GSTA1: variants seen among roughly 807,000 people sequenced by gnomAD.
The protein encoded by GSTA1 is glutathione S-transferase A1.
GSTA1 carries 23 observed loss-of-function variants against 21.5 expected under a neutral mutation model. The ratio of observed to expected loss-of-function variants is 1.07; its 90% confidence interval spans 0.77 to 1.52. The LOEUF is 1.52. GSTA1 is among the 40% of genes most tolerant of loss of function. The pLI is 0.00. For synonymous variants in GSTA1, 125 were observed against 90.0 expected, an observed-to-expected ratio of 1.39 and a Z score of -2.20; for missense variants, 301 against 264.2, an observed-to-expected ratio of 1.14 and a Z score of -0.96.
In GSTA1 at chr6:52,794,145, AGCGATTT is replaced by A; in HGVS notation, c.387_393del (p.Lys129AsnfsTer10). 1 of 1,614,028 alleles carries A rather than the reference AGCGATTT, an allele frequency of 6.2e-7. No individual in the cohort carries two copies. The highest frequency in any genetic ancestry group is 8.5e-7 in the Non-Finnish European group (1 of 1,179,908). On this transcript the variant is annotated frameshift_variant, in exon 5 of 7. Coordinates refer to ENST00000334575, the MANE Select transcript of GSTA1 (RefSeq NM_145740.5). LOFTEE classifies it high-confidence loss of function. ...CTTACTTTTTCAAAGGCAGGGAAGT[AGCGATTT>A]TTTATTTTCTCTTTGATCAAGGCAA... is the stretch of plus-strand genomic sequence containing the variant.
At chr6:52,796,749 G>A (rs1763600695) in intron 3 of GSTA1, among the ~76,000 whole-genome samples, 2 of 150,578 alleles carry the variant, frequency 1.3e-5, no homozygotes, top group South Asian at 2.1e-4. Context: ...CACCATGTTG[G>A]CCAAACTGGT....
At chr6:52,794,522 A>G (rs989984759) in intron 4 of GSTA1, among the ~76,000 whole-genome samples, 1 of 152,168 alleles carries the variant, frequency 6.6e-6, no homozygotes, top group African/African-American at 2.4e-5. Flanking sequence ...CGGTGGTCAC[A>G]GTCATGAGAG....
rs866455955 is a variant in GSTA1, at chr6:52,796,515, G to A, written c.140-201C>T. ...TGTGTGTGTGTGTGTGTGTGTGTGT[G>A]TGTGTGTGTGTGTGTATATATATAT... On this transcript the variant is annotated intron_variant, in intron 3 of 6. Coordinates refer to ENST00000334575, the MANE Select transcript of GSTA1 (RefSeq NM_145740.5). 8.9e-3 allele frequency among the ~76,000 whole-genome samples: 85 copies of A among 9,534 alleles called. 3 individuals carry two copies. The highest frequency in any genetic ancestry group is 0.02 in the African/African-American group (73 of 3,694). 6.3% of individuals were successfully genotyped at this position (9,534 alleles called of 152,430 possible). A position where few individuals can be genotyped will look rare whatever the true frequency, so the allele number is the denominator to read the frequency against.
intron 1 of GSTA1, among the ~76,000 whole-genome samples, chr6:52,800,706 G>C (rs1201085868): frequency 6.6e-6 from 1 of 152,164 alleles, no homozygotes; most frequent in African/African-American, 2.4e-5. Context: ...AATGTGAATG[G>C]AAGGGCACAG....
In GSTA1 at chr6:52,792,303, GTCTC is replaced by G. The variant is rs146548840; in HGVS notation, c.547-327_547-324del. ...GCCTGTGAGATATCAACACAGATGAGTCTCTAAGCAGAAGTGAAAACATGGGGAA... is the reference window on the plus strand; with the variant it reads ...GCCTGTGAGATATCAACACAGATGAGTAAGCAGAAGTGAAAACATGGGGAA... On this transcript the variant is annotated intron_variant, in intron 6 of 6. Coordinates refer to ENST00000334575, the MANE Select transcript of GSTA1 (RefSeq NM_145740.5). 4.8e-3 allele frequency among the ~76,000 whole-genome samples: 726 copies of G among 152,306 alleles called. 7 individuals carry two copies. Among genetic ancestry groups the G allele is most frequent in the African/African-American group, 0.016 (677 of 41,550 alleles).
In GSTA1 at chr6:52,796,471, ATATATATATATATATATATGTGTGTGTG is replaced by A. The variant is rs1163917404; in HGVS notation, c.140-185_140-158del. Among the ~76,000 whole-genome samples the A allele has an allele frequency of 5.3e-3, 61 of 11,584 alleles. 1 individual carries two copies. Among genetic ancestry groups the A allele is most frequent in the South Asian group, 0.051 (16 of 316 alleles). The allele number at this position is 11,584 out of a possible 152,430, so 7.6% of individuals were successfully genotyped here. A position where few individuals can be genotyped will look rare whatever the true frequency, so the allele number is the denominator to read the frequency against. On this transcript the variant is annotated intron_variant, in intron 3 of 6. Transcript: ENST00000334575. ...AAACAAAAACTATATATATATATAT[ATATATATATATATATATATGTGTGTGTG>A]TGTGTGTGTGTGTGTGTGTGTGTGT...
rs1051578 is a variant in GSTA1, at chr6:52,799,212, G to C, written c.56C>G (p.Thr19Ser). The change falls in exon 2 of 7, where the codon ACC becomes AGC. Residue 19 changes from threonine (T) to serine (S), a missense_variant. By Grantham distance (58) the Thr-to-Ser change is moderately conservative. Coordinates refer to ENST00000334575, the MANE Select transcript of GSTA1 (RefSeq NM_145740.5). ...TCCAGCTGCAGCCAGGAGCCACCGG[G>C]TGGACTCCATTCTGCCCCGTGCATT... Reference protein sequence around the residue: ...YFNARGRMESTRWLLAAAGVE... With the variant: ...YFNARGRMESSRWLLAAAGVE... 8 of 1,613,834 alleles carry C rather than the reference G, an allele frequency of 5.0e-6. No homozygotes were observed. Among genetic ancestry groups the C allele is most frequent in the African/African-American group, 2.7e-5 (2 of 74,898 alleles).
chr6:52,792,775 C>G, intron 6 of GSTA1, 81 bp downstream of exon 6: 4 of 1,611,460 alleles, frequency 2.5e-6, no homozygotes, highest in Non-Finnish European at 3.4e-6. Flanking sequence ...TGGGGCAAAA[C>G]TTGGTCAGTC....
rs1763468810 is a variant in GSTA1 at position 52,791,915 on chromosome 6, C to T, written c.612G>A (p.Arg204=). ...VKKFLQPGSP[R]KPPMDEKSLE... is the part of the protein sequence containing the mutation. ...AAGATTTCTCATCCATGGGAGGCTTCCTTGGGCTGCCAGGCTGTAGAAACT... is the reference window on the plus strand; with the variant it reads ...AAGATTTCTCATCCATGGGAGGCTTTCTTGGGCTGCCAGGCTGTAGAAACT... The change falls in exon 7 of 7, where the codon AGG becomes AGA. Residue 204 remains arginine (R), a synonymous_variant. Coordinates refer to ENST00000334575, the MANE Select transcript of GSTA1 (RefSeq NM_145740.5). 6.2e-7 allele frequency: 1 copy of T among 1,613,964 alleles called. No individual in the cohort carries two copies. The highest frequency in any genetic ancestry group is 1.7e-5 in the Admixed American group (1 of 60,014).
chr6:52,799,119 G>A, intron 2 of GSTA1, 62 bp downstream of exon 2: 2 of 1,472,790 alleles, frequency 1.4e-6, no homozygotes, highest in African/African-American at 1.4e-5. Flanking sequence ...TAGTTTCTGT[G>A]GGAAAAGTAT....
At chr6:52,798,467 G>A (rs1156920346) in intron 2 of GSTA1, among the ~76,000 whole-genome samples, 26 of 107,118 alleles carry the variant, frequency 2.4e-4, no homozygotes, top group African/African-American at 8.8e-4. Flanking sequence ...TAATTGCTGT[G>A]AATGTAGTCA....
intron 1 of GSTA1, among the ~76,000 whole-genome samples, chr6:52,799,554 G>A (rs935716275): frequency 1.3e-5 from 2 of 151,954 alleles, no homozygotes; most frequent in Non-Finnish European, 2.9e-5. Context: ...GAGAGTATGT[G>A]GTAAAAATAC....
Position 52,796,197 on chromosome 6 carries a change from A to C in GSTA1, c.257T>G (p.Ile86Arg). The C allele has an allele frequency of 6.2e-7, 1 of 1,613,560 alleles. No individual in the cohort carries two copies. The highest frequency in any genetic ancestry group is 8.5e-7 in the Non-Finnish European group (1 of 1,179,844). Residue 86 changes from isoleucine (I) to arginine (R), a missense_variant, in exon 4 of 7, where the codon ATA becomes AGA. Ile to Arg is a moderately conservative substitution (Grantham distance 97). Coordinates refer to ENST00000334575, the MANE Select transcript of GSTA1 (RefSeq NM_145740.5). ...ASKYNLYGKDIKERALIDMYI... is the reference protein window; with the variant it reads ...ASKYNLYGKDRKERALIDMYI... ...TATACCGTACAGGGCTCTCTCCTTTATGTCTTTCCCATAGAGGTTGTATTT... is the reference window on the plus strand; with the variant it reads ...TATACCGTACAGGGCTCTCTCCTTTCTGTCTTTCCCATAGAGGTTGTATTT...
At chr6:52,803,468 C>T (rs539959233) in intron 1 of GSTA1, among the ~76,000 whole-genome samples, 3 of 152,186 alleles carry the variant, frequency 2.0e-5, no homozygotes, top group Non-Finnish European at 4.4e-5. Flanking sequence ...TACATTGCCA[C>T]TTCTTCCAGC....
chr6:52,797,478 A>G (rs1763617516), intron 3 of GSTA1, 108 bp downstream of exon 3: 3 of 767,308 alleles, frequency 3.9e-6, no homozygotes, highest in South Asian at 1.5e-5. Flanking sequence ...CCTCTGCACC[A>G]TGTACAAATA....
chr6:52,801,192 AT>A (rs1156423327), intron 1 of GSTA1, among the ~76,000 whole-genome samples: 1 of 152,168 alleles, frequency 6.6e-6, no homozygotes, highest in African/African-American at 2.4e-5. Flanking sequence ...CAACTAATGT[AT>A]TTCTAAAAAG....
At chr6:52,792,520 T>C (rs1419218692) in intron 6 of GSTA1, among the ~76,000 whole-genome samples, 1 of 152,038 alleles carries the variant, frequency 6.6e-6, no homozygotes, top group Non-Finnish European at 1.5e-5. Context: ...TCAGACCGGC[T>C]CATTGTGGGC....
Position 52,803,141 on chromosome 6 carries a change from G to C in GSTA1, c.-31+644C>G, listed in dbSNP as rs565164283. ...GATAGGTAGAGGCCAGGGATGCCTA[G>C]AAACATCCTAGAGTGAGCAGGACAG... On this transcript the variant is annotated intron_variant, in intron 1 of 6. Coordinates refer to ENST00000334575, the MANE Select transcript of GSTA1 (RefSeq NM_145740.5). 1.0e-3 allele frequency among the ~76,000 whole-genome samples: 154 copies of C among 152,240 alleles called. 1 individual carries two copies. Among genetic ancestry groups the C allele is most frequent in the African/African-American group, 3.6e-3 (150 of 41,530 alleles).
chr6:52,798,922 T>G (rs1763647902), intron 2 of GSTA1, among the ~76,000 whole-genome samples: 1 of 152,248 alleles, frequency 6.6e-6, no homozygotes, highest in South Asian at 2.1e-4. Flanking sequence ...AATTATTCTT[T>G]ACAGTTTGTT....
Sources: allele counts gnomAD v4.1 joint callset (sites outside exome capture counted in the v4.1 genomes callset), GRCh38; gene constraint gnomAD v4.1.1; transcripts MANE v1.5; gene names NCBI Gene and HGNC (gene_info 2026-07-23, HGNC 2026-07-21).